The following LAIR1 variants were observed in gnomAD, a reference collection of about 807,000 sequenced individuals.
LAIR1 encodes leukocyte-associated immunoglobulin-like receptor 1.
LAIR1 carries 24 observed loss-of-function variants against 32.8 expected under a neutral mutation model. The ratio of observed to expected loss-of-function variants is 0.73; its 90% CI spans 0.53 to 1.03. LAIR1 has a LOEUF of 1.03. LAIR1 is among the 50% of genes least tolerant of loss of function. The pLI is 0.00. For synonymous variants in LAIR1, 150 were observed against 140.5 expected, an observed-to-expected ratio of 1.07 and a Z score of -0.48; for missense variants, 355 against 347.5, an observed-to-expected ratio of 1.02 and a Z score of -0.17.
At chr19:54,361,419 G>C (rs191890558) in intron 2 of LAIR1, among the ~76,000 whole-genome samples, 1 of 151,996 alleles carries the variant, frequency 6.6e-6, no homozygotes, top group East Asian at 1.9e-4. Flanking sequence ...CCAGTTGACA[G>C]TGAGGACCCT....
In LAIR1 at chr19:54,355,862, G is replaced by T; in HGVS notation, c.717+92C>A. On this transcript the variant is annotated intron_variant, in intron 9 of 9. Transcript: ENST00000391742. This position sits in a 1 kb window ranked among gnomAD's most constrained non-coding sequence, Gnocchi z 4.7. ...ACAGGCCGTGAGCCGGAACCGCCCA[G>T]CTGAGCCACTCCTGAATTCCTAACC... 1 of 900,602 alleles carries T rather than the reference G, an allele frequency of 1.1e-6. No individual in the cohort carries two copies. Among genetic ancestry groups the T allele is most frequent in the Non-Finnish European group, 1.9e-6 (1 of 538,694 alleles). The allele number at this position is 900,602 out of a possible 1,614,324, so 55.8% of individuals were successfully genotyped here. A position where few individuals can be genotyped will look rare whatever the true frequency, so the allele number is the denominator to read the frequency against.
Position 54,364,233 on chromosome 19 carries a change from A to C in LAIR1, c.70+62T>G. 1 of 1,543,294 alleles carries C rather than the reference A, an allele frequency of 6.5e-7. No homozygotes were observed. The highest frequency in any genetic ancestry group is 9.0e-7 in the Non-Finnish European group (1 of 1,117,244). On this transcript the variant is annotated intron_variant, in intron 2 of 9. Coordinates refer to ENST00000391742, the MANE Select transcript of LAIR1 (RefSeq NM_002287.6). The surrounding 1 kb of genome is among the most constrained non-coding windows in gnomAD (Gnocchi z 4.8). ...CCCTCTAAGAATCAACATCACTCCC[A>C]CCCAGCACTGCCCTTGGGGTGACAG...
intron 4 of LAIR1, chr19:54,358,068 A>G (rs1232490149): frequency 6.8e-6 from 1 of 146,318 alleles, no homozygotes; most frequent in Non-Finnish European, 1.5e-5. Context: ...TTTAATGTAT[A>G]TAATGTTAAT....
chr19:54,370,449 T>C, exon 1 of LAIR1: 1 of 525,550 alleles, frequency 1.9e-6, no homozygotes, highest in Non-Finnish European at 3.5e-6. Context: ...GCCTGCGCTG[T>C]GGAGAGACCA....
At chr19:54,357,286 G>A in intron 4 of LAIR1, 1 of 320,850 alleles carries the variant, frequency 3.1e-6, no homozygotes, top group East Asian at 5.4e-5. Context: ...GGACGGTGCA[G>A]ATACAGCGCG....
intron 4 of LAIR1, among the ~76,000 whole-genome samples, chr19:54,358,875 T>A (rs1249722057): frequency 6.6e-6 from 1 of 151,934 alleles, no homozygotes; most frequent in Non-Finnish European, 1.5e-5. Flanking sequence ...AACCCAGCAA[T>A]CTGGCTGCAG....
At chr19:54,373,360 C>T (rs1229884620), upstream of LAIR1, among the ~76,000 whole-genome samples, 2 of 152,158 alleles carry the variant, frequency 1.3e-5, no homozygotes, top group Middle Eastern at 3.4e-3. Flanking sequence ...AGGAAAATGG[C>T]ATGAACCCGG....
chr19:54,373,857 T>C (rs942930420), upstream of LAIR1, among the ~76,000 whole-genome samples: 3 of 152,378 alleles, frequency 2.0e-5, no homozygotes, highest in African/African-American at 7.2e-5. Context: ...GCTCCCATCA[T>C]GCCCTTGGGC....
chr19:54,356,664 G>A, intron 5 of LAIR1, 45 bp from the exon 6 acceptor site: 1 of 1,587,128 alleles, frequency 6.3e-7, no homozygotes, highest in Non-Finnish European at 8.6e-7. Flanking sequence ...CATTTATTGA[G>A]CACCTACTGT....
upstream of LAIR1, among the ~76,000 whole-genome samples, chr19:54,374,572 C>T (rs1030894141): frequency 3.3e-5 from 5 of 152,174 alleles, no homozygotes; most frequent in Admixed American, 2.6e-4. Context: ...TTGGCAAAGT[C>T]CTGAGTCGTT....
chr19:54,362,167 G>C (rs1186512489), intron 2 of LAIR1, among the ~76,000 whole-genome samples: 1 of 152,104 alleles, frequency 6.6e-6, no homozygotes, highest in African/African-American at 2.4e-5. Context: ...TTGTTGTGGT[G>C]AGAACATTTA....
At chr19:54,361,499 A>G (rs1441650699) in intron 2 of LAIR1, among the ~76,000 whole-genome samples, 3 of 151,986 alleles carry the variant, frequency 2.0e-5, no homozygotes, top group African/African-American at 7.2e-5. Flanking sequence ...GGAGCCCTTC[A>G]TGCCTGCTGC....
intron 4 of LAIR1, chr19:54,357,350 C>A (rs2081770362): frequency 5.4e-6 from 1 of 183,504 alleles, no homozygotes. Context: ...CTCTGCGGAT[C>A]TAGGCAGAGA....
At chr19:54,369,832 G>A (rs975227246), upstream of LAIR1, among the ~76,000 whole-genome samples, 41 of 151,410 alleles carry the variant, frequency 2.7e-4, 2 homozygotes, top group Middle Eastern at 6.8e-3. Flanking sequence ...CATTAGAATA[G>A]TTCAAATATT....
At position 54,352,280 on chromosome 19, in the gene LAIR1, G is replaced by A. The variant is rs2081546676; in HGVS notation, c.*2988C>T. On this transcript the variant is annotated 3_prime_UTR_variant, in exon 10 of 10. Transcript: ENST00000391742. ...CAGGGCACACCCCAGGGGAACTGGG[G>A]TGGGATCATAAGCACAGGGTAGGCC... The A allele has an allele frequency of 6.5e-6, 1 of 153,756 alleles. No individual in the cohort carries two copies. The highest frequency in any genetic ancestry group is 6.5e-5 in the Admixed American group (1 of 15,280). The allele number at this position is 153,756 out of a possible 1,614,324, so 9.5% of individuals were successfully genotyped here.
Position 54,364,541 on chromosome 19 carries a change from G to A in LAIR1, c.35-211C>T, listed in dbSNP as rs1334009362. Reference sequence around the variant, plus strand: ...AGTCTCCTCCTCCAAAAAGGCTCCTGCTCCCCCAGCCCTTCTTAAAGCTGA... The same window carrying A: ...AGTCTCCTCCTCCAAAAAGGCTCCTACTCCCCCAGCCCTTCTTAAAGCTGA... On this transcript the variant is annotated intron_variant, in intron 1 of 9. Transcript: ENST00000391742. The surrounding 1 kb of genome is among the most constrained non-coding windows in gnomAD (Gnocchi z 4.8). 2.5e-6 allele frequency: 2 copies of A among 797,494 alleles called. No individual in the cohort carries two copies. Among genetic ancestry groups the A allele is most frequent in the African/African-American group, 1.7e-5 (1 of 58,600 alleles). The allele number at this position is 797,494 out of a possible 1,614,324, so 49.4% of individuals were successfully genotyped here. A position where few individuals can be genotyped will look rare whatever the true frequency, so the allele number is the denominator to read the frequency against.
chr19:54,371,766 G>T (rs1160280858), upstream of LAIR1, among the ~76,000 whole-genome samples: 1 of 151,462 alleles, frequency 6.6e-6, no homozygotes, highest in African/African-American at 2.5e-5. Flanking sequence ...CTCTTCATTT[G>T]TTCCTGCGTT....
At chr19:54,357,254 C>T (rs1312265649) in intron 4 of LAIR1, 9 of 474,400 alleles carry the variant, frequency 1.9e-5, no homozygotes, top group East Asian at 1.1e-4. Context: ...AGTGACCCCA[C>T]GGGCCTGATG....
rs1380823393 is a variant in LAIR1 at position 54,356,397 on chromosome 19, C to T, written c.585G>A (p.Gly195=). The T allele has an allele frequency of 1.9e-6, 3 of 1,594,478 alleles. No individual in the cohort carries two copies. In the South Asian group the frequency reaches 3.4e-5, roughly 18 times the overall value. ...CLHRQNQIKQ[G]PPRSKDEEQK... ...GCTCCTCGTCCTTGCTTCTGGGGGG[C>T]CCTAAGGACAGTCGGGGTGTGAATT... Residue 195 remains glycine (G), a splice_region_variant and synonymous_variant, in exon 7 of 10, where the codon GGG becomes GGA. Transcript: ENST00000391742.
Sources: allele counts gnomAD v4.1 joint callset (sites outside exome capture counted in the v4.1 genomes callset), GRCh38; gene constraint gnomAD v4.1.1; non-coding constraint Gnocchi (gnomAD v3.1); transcripts MANE v1.5; gene names NCBI Gene and HGNC (gene_info 2026-07-23, HGNC 2026-07-21).